PTP4A3: variants seen among roughly 807,000 people sequenced by gnomAD.
PTP4A3 encodes the protein protein tyrosine phosphatase type IVA 3.
A neutral mutation model predicts 15.2 loss-of-function variants in PTP4A3; 9 were observed. That is an observed-to-expected ratio of 0.59 (90% confidence interval 0.36 to 1.03). The LOEUF (loss-of-function observed/expected upper bound fraction) is 1.03. PTP4A3 is among the 50% of genes least tolerant of loss of function. The probability of loss-of-function intolerance (pLI) is 0.02; values close to 1 mark genes in which losing one functional copy is unlikely to be tolerated. For missense variants in PTP4A3, 234 were observed against 252.1 expected (o/e 0.93, Z 0.49); for synonymous variants, 95 against 102.0 (o/e 0.93, Z 0.41).
chr8:141,392,831 C>T (rs979130146), intron 1 of PTP4A3, among the ~76,000 whole-genome samples: 2 of 152,202 alleles, frequency 1.3e-5, no homozygotes, highest in African/African-American at 4.8e-5. Flanking sequence ...GGGAGGCTTC[C>T]CTGGCCCTCT....
Position 141,425,781 on chromosome 8 carries a change from C to A in PTP4A3, c.198+641C>A, listed in dbSNP as rs887198087. Among the ~76,000 whole-genome samples the A allele has an allele frequency of 6.6e-6, 1 of 152,224 alleles. No homozygotes were observed. Among genetic ancestry groups the A allele is most frequent in the Non-Finnish European group, 1.5e-5 (1 of 68,024 alleles). On this transcript the variant is annotated intron_variant, in intron 3 of 5. Coordinates refer to ENST00000521578, the MANE Select transcript of PTP4A3 (RefSeq NM_032611.3). The surrounding 1 kb of genome is among the most constrained non-coding windows in gnomAD (Gnocchi z 4.2). Reference sequence around the variant, plus strand: ...CACCCCTCAGTCACTGCTTTTCATCCCAGGACTCTGCTTTTGGCTGGGGTT... The same window carrying A: ...CACCCCTCAGTCACTGCTTTTCATCACAGGACTCTGCTTTTGGCTGGGGTT...
At chr8:141,426,376 G>A in intron 3 of PTP4A3, 1 of 928,292 alleles carries the variant, frequency 1.1e-6, no homozygotes, top group Non-Finnish European at 1.3e-6. Flanking sequence ...TAACCCCCAG[G>A]AGCAATGGGC....
At chr8:141,416,638 C>T (rs188069739) in intron 1 of PTP4A3, among the ~76,000 whole-genome samples, 1 of 152,200 alleles carries the variant, frequency 6.6e-6, no homozygotes, top group African/African-American at 2.4e-5. Context: ...AGCTCACACC[C>T]TTGGGGGTCC....
chr8:141,423,444 CTGTT>C (rs1186618101), intron 2 of PTP4A3, among the ~76,000 whole-genome samples: 3 of 150,770 alleles, frequency 2.0e-5, no homozygotes, highest in Admixed American at 6.6e-5. Context: ...TTGGGGCTCA[CTGTT>C]TGACCAGGAT....
At position 141,427,025 on chromosome 8, in the gene PTP4A3, C is replaced by T; in HGVS notation, c.285C>T (p.Ala95=). The change falls in exon 4 of 6, where the codon GCC becomes GCT. Residue 95 remains alanine (A), a synonymous_variant. Transcript: ENST00000521578. The part of the protein sequence containing the change: ...LSLVKAKFCE[A]PGSCVAVHCV... Reference sequence around the variant, plus strand: ...TGGTGAAGGCCAAGTTCTGTGAGGCCCCCGGCAGCTGCGTGGCTGTGCACT... The same window carrying T: ...TGGTGAAGGCCAAGTTCTGTGAGGCTCCCGGCAGCTGCGTGGCTGTGCACT... 6.2e-7 allele frequency: 1 copy of T among 1,602,680 alleles called. No homozygotes were observed. Among genetic ancestry groups the T allele is most frequent in the African/African-American group, 1.3e-5 (1 of 75,060 alleles).
intron 4 of PTP4A3, 39 bp from the exon 5 acceptor site, chr8:141,427,711 G>A (rs370725612): frequency 1.1e-5 from 17 of 1,525,286 alleles, no homozygotes; most frequent in East Asian, 7.4e-5. Flanking sequence ...ACAGGGGTGC[G>A]CAGGCTCCGA....
chr8:141,404,888 G>A (rs745406009), intron 1 of PTP4A3, among the ~76,000 whole-genome samples: 5 of 152,204 alleles, frequency 3.3e-5, no homozygotes, highest in Admixed American at 6.5e-5. Flanking sequence ...GCAGCGCCTG[G>A]CACTCAGGCT....
At chr8:141,413,138 G>A (rs1324486232) in intron 1 of PTP4A3, among the ~76,000 whole-genome samples, 1 of 152,224 alleles carries the variant, frequency 6.6e-6, no homozygotes, top group South Asian at 2.1e-4. Context: ...CACAGAAGGG[G>A]TAGGGGCTGT....
In PTP4A3 at chr8:141,431,250, C is replaced by T. The variant is rs1129594; in HGVS notation, c.*206C>T. Reference sequence around the variant, plus strand: ...GCCCTGGGTGGCCTCTGGGCCCTTTCTCCTGTCTCCGCCACTCCCTCTGGC... The same window carrying T: ...GCCCTGGGTGGCCTCTGGGCCCTTTTTCCTGTCTCCGCCACTCCCTCTGGC... On this transcript the variant is annotated 3_prime_UTR_variant, in exon 6 of 6. Coordinates refer to ENST00000521578, the MANE Select transcript of PTP4A3 (RefSeq NM_032611.3). 3 of 587,924 alleles carry T rather than the reference C, an allele frequency of 5.1e-6. No individual in the cohort carries two copies. Among genetic ancestry groups the T allele is most frequent in the Admixed American group, 3.1e-5 (1 of 32,520 alleles). The allele number at this position is 587,924 out of a possible 1,614,324, so 36.4% of individuals were successfully genotyped here. A position where few individuals can be genotyped will look rare whatever the true frequency, so the allele number is the denominator to read the frequency against.
Position 141,406,489 on chromosome 8 carries a change from G to A in PTP4A3, c.-854+14405G>A, listed in dbSNP as rs1193736231. On this transcript the variant is annotated intron_variant, in intron 1 of 5. Transcript: ENST00000521578. The surrounding 1 kb of genome is among the most constrained non-coding windows in gnomAD (Gnocchi z 4.5). ...CTGGGGTGTCCCCCTGGGAAGTCCT[G>A]CCCTCCTGCCTCTGGCCCTTGCTCA... 2.6e-5 allele frequency among the ~76,000 whole-genome samples: 4 copies of A among 152,036 alleles called. No individual in the cohort carries two copies. The highest frequency in any genetic ancestry group is 5.9e-5 in the Non-Finnish European group (4 of 67,998).
intron 1 of PTP4A3, among the ~76,000 whole-genome samples, chr8:141,399,692 G>T (rs545787888): frequency 2.0e-5 from 3 of 152,352 alleles, no homozygotes; most frequent in African/African-American, 7.2e-5. Context: ...CTGAGTCGGT[G>T]ACTGCAATGG....
In PTP4A3 at chr8:141,425,630, G is replaced by A. The variant is rs1833534712; in HGVS notation, c.198+490G>A. Among the ~76,000 whole-genome samples the A allele has an allele frequency of 6.6e-6, 1 of 151,234 alleles. No homozygotes were observed. The highest frequency in any genetic ancestry group is 1.9e-4 in the East Asian group (1 of 5,132). On this transcript the variant is annotated intron_variant, in intron 3 of 5. Transcript: ENST00000521578. This position sits in a 1 kb window ranked among gnomAD's most constrained non-coding sequence, Gnocchi z 4.2. Reference sequence around the variant, plus strand: ...GTTCTGCTGCGATATCCTTGGGGGGGTGGGCCACAGCAGCTGCAGGCCCAG... The same window carrying A: ...GTTCTGCTGCGATATCCTTGGGGGGATGGGCCACAGCAGCTGCAGGCCCAG...
At chr8:141,393,602 C>T (rs1832356811) in intron 1 of PTP4A3, among the ~76,000 whole-genome samples, 1 of 152,240 alleles carries the variant, frequency 6.6e-6, no homozygotes, top group African/African-American at 2.4e-5. Context: ...GGAGAAAATG[C>T]AGGCGGGGAT....
Position 141,421,929 on chromosome 8 carries a change from G to A in PTP4A3, c.-312G>A, listed in dbSNP as rs1020162661. 4 of 368,410 alleles carry A rather than the reference G, an allele frequency of 1.1e-5. No homozygotes were observed. Among genetic ancestry groups the A allele is most frequent in the Admixed American group, 9.0e-5 (2 of 22,194 alleles). 22.8% of individuals were successfully genotyped at this position (368,410 alleles called of 1,614,324 possible). A position where few individuals can be genotyped will look rare whatever the true frequency, so the allele number is the denominator to read the frequency against. On this transcript the variant is annotated 5_prime_UTR_variant, in exon 2 of 6. Transcript: ENST00000521578. ...TTATGACTATCCAGCTCTGAGAGAC[G>A]GGAGTTTGGAGTTGCCCGCTTTACT...
In PTP4A3 at chr8:141,431,148, C is replaced by A. The variant is rs902304827; in HGVS notation, c.*104C>A. 3 of 1,089,546 alleles carry A rather than the reference C, an allele frequency of 2.8e-6. No homozygotes were observed. The highest frequency in any genetic ancestry group is 4.1e-6 in the Non-Finnish European group (3 of 731,342). 67.5% of individuals were successfully genotyped at this position (1,089,546 alleles called of 1,614,324 possible). On this transcript the variant is annotated 3_prime_UTR_variant, in exon 6 of 6. Transcript: ENST00000521578. The stretch of plus-strand genomic sequence containing the variant: ...TGCCCAGCCCAGCAGGGGCTCCAGG[C>A]CTTGGCTGGCCCCACATCGCCTTTT...
At chr8:141,423,602 A>G (rs1021823408) in intron 2 of PTP4A3, among the ~76,000 whole-genome samples, 44 of 151,070 alleles carry the variant, frequency 2.9e-4, no homozygotes, top group African/African-American at 1.0e-3. Flanking sequence ...GTCCAGGATT[A>G]GCGCTCAGTA....
chr8:141,394,258 A>T (rs562177880), intron 1 of PTP4A3, among the ~76,000 whole-genome samples: 1 of 151,786 alleles, frequency 6.6e-6, no homozygotes, highest in Admixed American at 6.5e-5. Context: ...ATTTGGCCAG[A>T]GGGGCTGAGC....
chr8:141,412,553 T>A (rs1832897618), intron 1 of PTP4A3, among the ~76,000 whole-genome samples: 1 of 152,028 alleles, frequency 6.6e-6, no homozygotes, highest in Non-Finnish European at 1.5e-5. Flanking sequence ...GGTCCAGGGG[T>A]CCCGAGGAGG....
intron 2 of PTP4A3, 148 bp from the exon 3 acceptor site, chr8:141,424,900 C>G (rs532387475): frequency 6.0e-6 from 4 of 669,662 alleles, no homozygotes; most frequent in Admixed American, 5.2e-5. Flanking sequence ...GGACAGGGCT[C>G]CACCCCGAGA....
Sources: gnomAD v4.1 joint callset for allele counts (sites outside exome capture counted in the v4.1 genomes callset) on GRCh38, gnomAD v4.1.1 for gene constraint, Gnocchi (gnomAD v3.1) non-coding constraint, MANE v1.5 for transcripts, NCBI Gene and HGNC (gene_info 2026-07-23, HGNC 2026-07-21) for gene names.